The following NINJ2 variants were observed in gnomAD, a reference collection of about 807,000 sequenced individuals.
NINJ2 encodes the protein ninjurin 2.
A neutral mutation model predicts 11.7 loss-of-function variants in NINJ2; 12 were observed. That is an observed-to-expected ratio of 1.02 (90% CI 0.66 to 1.66). The LOEUF is 1.66. Among genes scored for constraint, NINJ2 ranks in the 40% most tolerant of loss-of-function variants. NINJ2 has a pLI of 0.00. For missense variants in NINJ2, 187 were observed against 181.8 expected (o/e 1.03, Z -0.16); for synonymous variants, 93 against 76.8 (o/e 1.21, Z -1.10).
chr12:571,924 G>C (rs1488953514), intron 1 of NINJ2, among the ~76,000 whole-genome samples: 1 of 152,204 alleles, frequency 6.6e-6, no homozygotes, highest in Non-Finnish European at 1.5e-5. Flanking sequence ...GGAGCCCGCA[G>C]ATCAGTGTGT....
At chr12:649,567 T>C (rs977041128) in intron 1 of NINJ2, among the ~76,000 whole-genome samples, 1 of 105,968 alleles carries the variant, frequency 9.4e-6, no homozygotes, top group African/African-American at 3.2e-5. Flanking sequence ...GCCCATGAAA[T>C]CTACTCATTT....
Position 569,859 on chromosome 12 carries a change from C to T in NINJ2, c.34-3681G>A, listed in dbSNP as rs1043721964. Among the ~76,000 whole-genome samples the T allele has an allele frequency of 3.3e-5, 5 of 152,230 alleles. No individual in the cohort carries two copies. In the East Asian group the frequency reaches 9.6e-4, roughly 29 times the overall value. On this transcript the variant is annotated intron_variant, in intron 1 of 3. Transcript: ENST00000305108. Reference sequence around the variant, plus strand: ...TTCCTCGCTAAATGCGGGGCCGACTCGGGCCTGCCTTTCACTGCGGGTGCT... The same window carrying T: ...TTCCTCGCTAAATGCGGGGCCGACTTGGGCCTGCCTTTCACTGCGGGTGCT...
At chr12:644,431 G>C (rs993473918) in intron 1 of NINJ2, 1 of 152,196 alleles carries the variant, frequency 6.6e-6, no homozygotes, top group African/African-American at 2.4e-5. Context: ...TTTTACAGAT[G>C]AGGAAACAGA....
At chr12:662,691 G>A (rs1397147574) in intron 1 of NINJ2, among the ~76,000 whole-genome samples, 3 of 152,138 alleles carry the variant, frequency 2.0e-5, no homozygotes, top group African/African-American at 7.2e-5. Flanking sequence ...TCCTCTCACC[G>A]TAACATCCCA....
chr12:596,991 TTC>T (rs1441468480), intron 1 of NINJ2, among the ~76,000 whole-genome samples: 2 of 152,074 alleles, frequency 1.3e-5, no homozygotes, highest in African/African-American at 4.8e-5. Context: ...AAAGTTAAGC[TTC>T]TGTCACATGA....
intron 1 of NINJ2, chr12:643,452 G>A (rs1937625539): frequency 1.0e-6 from 1 of 988,264 alleles, no homozygotes; most frequent in Admixed American, 6.1e-5. Flanking sequence ...ACAAACTAGG[G>A]AGGGGAGAAG....
intron 1 of NINJ2, chr12:610,422 A>T: frequency 6.5e-7 from 1 of 1,535,532 alleles, no homozygotes; most frequent in Non-Finnish European, 8.7e-7. Flanking sequence ...TTACTGGAGA[A>T]CAGGAAGTCT....
chr12:587,820 G>C (rs1288907647), intron 1 of NINJ2, among the ~76,000 whole-genome samples: 1 of 152,214 alleles, frequency 6.6e-6, no homozygotes, highest in Non-Finnish European at 1.5e-5. Context: ...CACCCAGGAA[G>C]CTCTTCCTTC....
At chr12:608,353 T>C (rs1240346656) in intron 1 of NINJ2, among the ~76,000 whole-genome samples, 1 of 152,196 alleles carries the variant, frequency 6.6e-6, no homozygotes, top group Admixed American at 6.5e-5. Flanking sequence ...AAGCCTAATG[T>C]TACCCTTGAA....
intron 1 of NINJ2, among the ~76,000 whole-genome samples, chr12:620,009 G>T (rs888708570): frequency 6.6e-6 from 1 of 152,224 alleles, no homozygotes; most frequent in African/African-American, 2.4e-5. Context: ...GCCGTGTCAT[G>T]GCTTTGTGCT....
rs117464738 is a variant in NINJ2 at position 656,391 on chromosome 12, A to G, written c.33+6937T>C. Among the ~76,000 whole-genome samples the G allele has an allele frequency of 5.9e-3, 891 of 151,826 alleles. 3 individuals are homozygous for G. The highest frequency in any genetic ancestry group is 0.01 in the Middle Eastern group (3 of 294). The stretch of plus-strand genomic sequence containing the variant: ...ATAAAATAAAATAAAATAAACCCAA[A>G]ATAGGTGACAAAATACTGAAGGAAA... On this transcript the variant is annotated intron_variant, in intron 1 of 3. Transcript: ENST00000305108.
chr12:576,783 A>G (rs1296237730), intron 1 of NINJ2, among the ~76,000 whole-genome samples: 1 of 152,226 alleles, frequency 6.6e-6, no homozygotes, highest in African/African-American at 2.4e-5. Flanking sequence ...TACCACACAG[A>G]AATTTCCAAA....
chr12:620,347 C>T (rs1045374454), intron 1 of NINJ2, among the ~76,000 whole-genome samples: 4 of 148,022 alleles, frequency 2.7e-5, no homozygotes, highest in Non-Finnish European at 6.0e-5. Flanking sequence ...GCGATCCCCG[C>T]TTTGCGGGAA....
chr12:586,925 G>A (rs1947646531), intron 1 of NINJ2, among the ~76,000 whole-genome samples: 1 of 152,228 alleles, frequency 6.6e-6, no homozygotes, highest in Admixed American at 6.5e-5. Context: ...GTGGAATGGA[G>A]TTGAAGTTTG....
At position 616,762 on chromosome 12, in the gene NINJ2, T is replaced by G. The variant is rs563820339; in HGVS notation, c.33+46566A>C. Reference sequence around the variant, plus strand: ...TTGTACCTTTAAGATTTATCCAAAATGAGACACCTTTCTACACAATAGCAT... The same window carrying G: ...TTGTACCTTTAAGATTTATCCAAAAGGAGACACCTTTCTACACAATAGCAT... On this transcript the variant is annotated intron_variant, in intron 1 of 3. Transcript: ENST00000305108. Among the ~76,000 whole-genome samples the G allele has an allele frequency of 4.6e-5, 7 of 152,318 alleles. No homozygotes were observed. In the South Asian group the frequency reaches 1.5e-3, roughly 32 times the overall value.
chr12:605,727 T>A (rs1190026210), intron 1 of NINJ2, among the ~76,000 whole-genome samples: 2 of 151,564 alleles, frequency 1.3e-5, no homozygotes, highest in Non-Finnish European at 2.9e-5. Flanking sequence ...AGATGAGGGG[T>A]TTTGGGGTTT....
At chr12:625,850 T>G (rs574788452) in intron 1 of NINJ2, among the ~76,000 whole-genome samples, 2 of 152,344 alleles carry the variant, frequency 1.3e-5, no homozygotes, top group South Asian at 4.1e-4. Context: ...GATAGGATAA[T>G]CATTATCCTA....
chr12:635,532 C>A (rs1948340570), intron 1 of NINJ2, among the ~76,000 whole-genome samples: 1 of 152,156 alleles, frequency 6.6e-6, no homozygotes, highest in African/African-American at 2.4e-5. Flanking sequence ...GTCCCACATA[C>A]AAAAGAATGA....
chr12:565,363 G>C lies in NINJ2; in HGVS notation c.301C>G (p.Leu101Val). The C allele has an allele frequency of 6.2e-7, 1 of 1,614,224 alleles. No homozygotes were observed. Among genetic ancestry groups the C allele is most frequent in the Non-Finnish European group, 8.5e-7 (1 of 1,180,028 alleles). ...GTGGCTGCGTTGTTGAGCTGGTTGAGTCGCCACTGCTTTTCTACCTCATTC... is the reference window on the plus strand; with the variant it reads ...GTGGCTGCGTTGTTGAGCTGGTTGACTCGCCACTGCTTTTCTACCTCATTC... ...NLNEVEKQWR[L>V]NQLNNAATIL... The change falls in exon 3 of 4, where the codon CTC becomes GTC. Residue 101 changes from leucine to valine, a missense_variant. Coordinates refer to ENST00000305108, the MANE Select transcript of NINJ2 (RefSeq NM_016533.6).
Sources: gnomAD v4.1 joint callset for allele counts (sites outside exome capture counted in the v4.1 genomes callset) on GRCh38, gnomAD v4.1.1 for gene constraint, MANE v1.5 for transcripts, NCBI Gene and HGNC (gene_info 2026-07-23, HGNC 2026-07-21) for gene names.